NDUFA3: variants seen among roughly 807,000 people sequenced by gnomAD.
NDUFA3 encodes NADH dehydrogenase [ubiquinone] 1 alpha subcomplex subunit 3.
Under a neutral mutation model 11.4 loss-of-function variants are expected in NDUFA3, and 10 were observed. The ratio of observed to expected loss-of-function variants is 0.87; its 90% confidence interval spans 0.54 to 1.48. NDUFA3 has a LOEUF of 1.48. Among genes scored for constraint, NDUFA3 ranks in the 40% most tolerant of loss-of-function variants. The probability of loss-of-function intolerance (pLI) is 0.00; values close to 1 mark genes in which losing one functional copy is unlikely to be tolerated. For synonymous variants in NDUFA3, 39 were observed against 46.9 expected (o/e 0.83, Z 0.68); for missense variants, 115 against 110.5 (o/e 1.04, Z -0.18).
chr19:54,104,919 G>A (rs1302778521), intron 2 of NDUFA3, among the ~76,000 whole-genome samples: 1 of 151,908 alleles, frequency 6.6e-6, no homozygotes, highest in Non-Finnish European at 1.5e-5. Flanking sequence ...TGTATTTTCA[G>A]TAGAGACGGG....
intron 2 of NDUFA3, chr19:54,105,720 A>G (rs254257): frequency 0.54 from 366,882 of 674,208 alleles, 101,385 homozygotes; most frequent in African/African-American, 0.6. Flanking sequence ...GTTAGGCTCC[A>G]ACCCCTACCT....
At chr19:54,106,436 T>C (rs587674905) in intron 3 of NDUFA3, 5 of 337,752 alleles carry the variant, frequency 1.5e-5, no homozygotes, top group Non-Finnish European at 2.7e-5. Context: ...CCCAAAGTGC[T>C]GGGATTACAG....
At position 54,107,160 on chromosome 19, in the gene NDUFA3, C is replaced by T. The variant is rs1358318073; in HGVS notation, c.*258C>T. On this transcript the variant is annotated 3_prime_UTR_variant, in exon 4 of 4. Transcript: ENST00000485876. ...TCTGCTTCAAAGCCAAAGTCTTCCT[C>T]AACCTTAATCTGCAGGAGATAAGGA... 6.2e-7 allele frequency: 1 copy of T among 1,613,408 alleles called. No individual in the cohort carries two copies. The highest frequency in any genetic ancestry group is 2.2e-5 in the East Asian group (1 of 44,864).
Position 54,107,188 on chromosome 19 carries a change from A to G in NDUFA3, c.*286A>G. ...CCTTAATCTGCAGGAGATAAGGAAC[A>G]AGGTGTTAACAGGCCTGGGAATCTA... On this transcript the variant is annotated 3_prime_UTR_variant, in exon 4 of 4. Transcript: ENST00000485876. The G allele has an allele frequency of 1.9e-6, 3 of 1,609,230 alleles. No homozygotes were observed. The highest frequency in any genetic ancestry group is 2.5e-6 in the Non-Finnish European group (3 of 1,178,456).
rs587597636 is a variant in NDUFA3, at chr19:54,105,511, C to T, written c.86-423C>T. On this transcript the variant is annotated intron_variant, in intron 2 of 3. Coordinates refer to ENST00000485876, the MANE Select transcript of NDUFA3 (RefSeq NM_004542.4). ...CGCGAACTCCTGACCTCAGGTGATC[C>T]GCCCACATTGGCCGCCCAAAGTGCT... 31 of 346,750 alleles carry T rather than the reference C, an allele frequency of 8.9e-5. No homozygotes were observed. In the East Asian group the frequency reaches 1.3e-3, roughly 15 times the overall value. The allele number at this position is 346,750 out of a possible 1,614,324, so 21.5% of individuals were successfully genotyped here.
At chr19:54,104,408 G>A (rs1211306901) in intron 2 of NDUFA3, among the ~76,000 whole-genome samples, 1 of 150,738 alleles carries the variant, frequency 6.6e-6, no homozygotes, top group African/African-American at 2.4e-5. Flanking sequence ...GGATTACAGG[G>A]GTGAGCCACT....
chr19:54,106,529 G>A (rs62143393), intron 3 of NDUFA3: 48,252 of 441,342 alleles, frequency 0.11, 3,133 homozygotes, highest in Admixed American at 0.18. Context: ...CCCATCTGTG[G>A]TGGTTTCTTG....
intron 2 of NDUFA3, among the ~76,000 whole-genome samples, chr19:54,103,866 C>G (rs2073170941): frequency 6.6e-6 from 1 of 151,572 alleles, no homozygotes; most frequent in Non-Finnish European, 1.5e-5. Context: ...CTGAGTCTCG[C>G]TCTGTCGCCC....
At chr19:54,106,648 G>A (rs112103919) in intron 3 of NDUFA3, 163 bp from the exon 4 acceptor site, 315 of 554,400 alleles carry the variant, frequency 5.7e-4, no homozygotes, top group African/African-American at 4.3e-3. Context: ...GTGTCTCTCA[G>A]TCTCTGTATT....
intron 2 of NDUFA3, among the ~76,000 whole-genome samples, chr19:54,105,107 TTA>T (rs1430531090): frequency 6.6e-6 from 1 of 152,004 alleles, no homozygotes; most frequent in Non-Finnish European, 1.5e-5. Flanking sequence ...AGATATAAAA[TTA>T]TATACCTGGC....
chr19:54,106,823 A>G lies in NDUFA3; in HGVS notation c.176A>G (p.Asp59Gly). 6.2e-7 allele frequency: 1 copy of G among 1,612,996 alleles called. No homozygotes were observed. The highest frequency in any genetic ancestry group is 2.2e-5 in the East Asian group (1 of 44,844). The change falls in exon 4 of 4, where the codon GAT (aspartate) becomes GGT (glycine). Residue 59 changes from aspartate (D) to glycine (G), a missense_variant. Physicochemically the swap from Asp to Gly is moderately conservative, Grantham distance 94 (BLOSUM62 -1). Coordinates refer to ENST00000485876, the MANE Select transcript of NDUFA3 (RefSeq NM_004542.4). ...TPYNYPVPVR[D>G]DGNMPDVPSH... ...TCCTGCCCCACAGTGCCCGTCCGTG[A>G]TGATGGGAACATGCCCGACGTGCCC...
rs2146343185 is a variant in NDUFA3, at chr19:54,106,809, A to G, written c.164-2A>G. On this transcript the variant is annotated splice_acceptor_variant, in intron 3 of 3. Transcript: ENST00000485876. LOFTEE classifies it high-confidence loss of function. ...CTCAGTGGCCCACCTCCTGCCCCACAGTGCCCGTCCGTGATGATGGGAACA... is the reference window on the plus strand; with the variant it reads ...CTCAGTGGCCCACCTCCTGCCCCACGGTGCCCGTCCGTGATGATGGGAACA... 6 of 1,609,458 alleles carry G rather than the reference A, an allele frequency of 3.7e-6. No homozygotes were observed. The South Asian group carries it at 6.6e-5, about 18-fold the overall frequency.
intron 3 of NDUFA3, chr19:54,106,237 C>T (rs948962100): frequency 9.2e-5 from 51 of 552,454 alleles, no homozygotes; most frequent in African/African-American, 5.9e-4. Flanking sequence ...CTCGCTCTGT[C>T]GCCAAGGCTG....
At chr19:54,105,882 CCT>C (rs1423926423) in intron 2 of NDUFA3, 50 bp from the exon 3 acceptor site, 12 of 1,493,906 alleles carry the variant, frequency 8.0e-6, no homozygotes, top group Admixed American at 1.7e-5. Context: ...CTTCTCTTCC[CCT>C]CTCTTCAGAG....
Position 54,103,769 on chromosome 19 carries a change from C to A in NDUFA3, c.85+581C>A, listed in dbSNP as rs192453956. On this transcript the variant is annotated intron_variant, in intron 2 of 3. Transcript: ENST00000485876. ...TCCCGGCTCACTGCAACCTCGGCCT[C>A]CTGGGTTCAAGGGATTCTCCTGCCT... Among the ~76,000 whole-genome samples, 17 of 151,894 alleles carry A rather than the reference C, an allele frequency of 1.1e-4. No homozygotes were observed. The East Asian group carries it at 3.3e-3, about 29-fold the overall frequency.
rs796770972 is a variant in NDUFA3, at chr19:54,105,264, C to CTTTTT, written c.86-653_86-649dup. Among the ~76,000 whole-genome samples, 310 of 69,938 alleles carry CTTTTT rather than the reference C, an allele frequency of 4.4e-3. 7 individuals are homozygous for CTTTTT. Among genetic ancestry groups the CTTTTT allele is most frequent in the African/African-American group, 7.5e-3 (123 of 16,324 alleles). The allele number at this position is 69,938 out of a possible 152,430, so 45.9% of individuals were successfully genotyped here. The stretch of plus-strand genomic sequence containing the variant: ...ACCCTTTCTCCTCCAGTTTGTAAGG[C>CTTTTT]TTTTTTTTTTTTTTTTTTTTTGGTG... On this transcript the variant is annotated intron_variant, in intron 2 of 3. Coordinates refer to ENST00000485876, the MANE Select transcript of NDUFA3 (RefSeq NM_004542.4).
At chr19:54,106,174 T>G in intron 3 of NDUFA3, 163 bp downstream of exon 3, 1 of 660,180 alleles carries the variant, frequency 1.5e-6, no homozygotes. Context: ...ATTCGTATAC[T>G]ATTCTGTGTT....
chr19:54,106,165 T>C, intron 3 of NDUFA3, 154 bp downstream of exon 3: 2 of 688,510 alleles, frequency 2.9e-6, no homozygotes, highest in Non-Finnish European at 4.9e-6. Context: ...TGAGATATAA[T>C]TCGTATACTA....
chr19:54,105,723 C>A, intron 2 of NDUFA3: 1 of 673,138 alleles, frequency 1.5e-6, no homozygotes, highest in Non-Finnish European at 2.8e-6. Context: ...AGGCTCCAAC[C>A]CCTACCTCCA....
Sources: allele counts gnomAD v4.1 joint callset (sites outside exome capture counted in the v4.1 genomes callset), GRCh38; gene constraint gnomAD v4.1.1; transcripts MANE v1.5; gene names NCBI Gene and HGNC (gene_info 2026-07-23, HGNC 2026-07-21).